The following RIMKLA variants were observed in gnomAD, a reference collection of about 807,000 sequenced individuals.
RIMKLA encodes the protein ribosomal modification protein rimK like family member A.
Under a neutral mutation model 32.7 loss-of-function variants are expected in RIMKLA, and 14 were observed. That is an observed-to-expected ratio of 0.43 (90% CI 0.28 to 0.67). The LOEUF is 0.67. Among genes scored for constraint, RIMKLA ranks in the 30% least tolerant of loss-of-function variants. RIMKLA has a pLI of 0.18. For synonymous variants in RIMKLA, 176 were observed against 204.1 expected (o/e 0.86, Z 1.18); for missense variants, 410 against 519.0 (o/e 0.79, Z 2.04).
At chr1:42,390,100 C>T (rs1323574623) in intron 1 of RIMKLA, among the ~76,000 whole-genome samples, 2 of 138,042 alleles carry the variant, frequency 1.4e-5, no homozygotes, top group Admixed American at 1.6e-4. Flanking sequence ...TGCAGTGGTG[C>T]GATCTCAGCT....
At chr1:42,398,866 C>T (rs1437370097) in intron 1 of RIMKLA, among the ~76,000 whole-genome samples, 1 of 146,386 alleles carries the variant, frequency 6.8e-6, no homozygotes, top group South Asian at 2.2e-4. Context: ...ACTGGGGAGT[C>T]GGAAGTGGGA....
At chr1:42,384,339 C>T (rs904858386) in intron 1 of RIMKLA, among the ~76,000 whole-genome samples, 2 of 151,928 alleles carry the variant, frequency 1.3e-5, no homozygotes, top group African/African-American at 2.4e-5. Context: ...GAAAATCATA[C>T]CCATCTCCGT....
At position 42,409,764 on chromosome 1, in the gene RIMKLA, G is replaced by T. The variant is rs1643181244; in HGVS notation, c.482-220G>T. Among the ~76,000 whole-genome samples, 3 of 152,200 alleles carry T rather than the reference G, an allele frequency of 2.0e-5. No homozygotes were observed. The East Asian group carries it at 5.8e-4, about 29-fold the overall frequency. ...ATCATTAAGTCATTTCAAAAAGAGT[G>T]ATGGTGGAGGGAGAGGGTATTAGGA... On this transcript the variant is annotated intron_variant, in intron 3 of 4. Transcript: ENST00000431473.
At chr1:42,384,971 G>A (rs926491792) in intron 1 of RIMKLA, among the ~76,000 whole-genome samples, 1 of 152,118 alleles carries the variant, frequency 6.6e-6, no homozygotes, top group Admixed American at 6.6e-5. Context: ...AGGCTTGCTT[G>A]CGCTCCTTTC....
chr1:42,381,014 G>T lies in RIMKLA; in HGVS notation c.80G>T (p.Arg27Leu). The change falls in exon 1 of 5, where the codon CGG (arginine) becomes CTG (leucine). Residue 27 changes from arginine (R) to leucine (L), a missense_variant. Arg to Leu is a moderately radical substitution (Grantham distance 102, BLOSUM62 -2). Transcript: ENST00000431473. ...CAGGTGCAGATCCTGCGCGCCCTCC[G>T]GCAGCGCTGCTCCGAGCAGGACGTG... ...YPQVQILRAL[R>L]QRCSEQDVRF... 7.0e-7 allele frequency: 1 copy of T among 1,426,092 alleles called. No individual in the cohort carries two copies. Among genetic ancestry groups the T allele is most frequent in the Non-Finnish European group, 9.2e-7 (1 of 1,088,820 alleles). The allele number at this position is 1,426,092 out of a possible 1,614,324, so 88.3% of individuals were successfully genotyped here. A position where few individuals can be genotyped will look rare whatever the true frequency, so the allele number is the denominator to read the frequency against.
Position 42,383,232 on chromosome 1 carries a change from G to A in RIMKLA, c.163+2135G>A, listed in dbSNP as rs868494092. Among the ~76,000 whole-genome samples the A allele has an allele frequency of 2.0e-5, 3 of 152,094 alleles. 1 individual carries two copies. Among genetic ancestry groups the A allele is most frequent in the African/African-American group, 7.2e-5 (3 of 41,412 alleles). ...AATGTACACAGCTATTTGCCTGGTC[G>A]ATGGAGAAATTGAAGACAGGTATTT... On this transcript the variant is annotated intron_variant, in intron 1 of 4. Coordinates refer to ENST00000431473, the MANE Select transcript of RIMKLA (RefSeq NM_173642.4).
Position 42,410,154 on chromosome 1 carries a change from A to T in RIMKLA, c.652A>T (p.Thr218Ser). 1 of 1,614,150 alleles carries T rather than the reference A, an allele frequency of 6.2e-7. No homozygotes were observed. The highest frequency in any genetic ancestry group is 8.5e-7 in the Non-Finnish European group (1 of 1,180,016). The change falls in exon 4 of 5, where the codon ACT becomes TCT. Residue 218 changes from threonine to serine, a missense_variant. Physicochemically the swap from Thr to Ser is moderately conservative, Grantham distance 58. Transcript: ENST00000431473. ...QVIGSMLRCS[T>S]DGRMQSNCSL... ...CATAGGCTCTATGCTTCGCTGCTCC[A>T]CTGATGGACGGATGCAGAGCAACTG... is the stretch of plus-strand genomic sequence containing the variant.
At chr1:42,388,916 CAGA>C (rs1170399498) in intron 1 of RIMKLA, among the ~76,000 whole-genome samples, 1 of 152,130 alleles carries the variant, frequency 6.6e-6, no homozygotes, top group Non-Finnish European at 1.5e-5. Flanking sequence ...GCACCAAGAG[CAGA>C]AGTAGGGAGG....
chr1:42,398,200 C>G (rs910571399), intron 1 of RIMKLA, among the ~76,000 whole-genome samples: 1 of 152,162 alleles, frequency 6.6e-6, no homozygotes, highest in East Asian at 1.9e-4. Flanking sequence ...ATCTCTGTCT[C>G]CTGGAGTTTT....
intron 4 of RIMKLA, among the ~76,000 whole-genome samples, chr1:42,413,254 C>T (rs1643216077): frequency 6.6e-6 from 1 of 152,044 alleles, no homozygotes; most frequent in Non-Finnish European, 1.5e-5. Context: ...GAAATCCCAG[C>T]ACTTTGGTAG....
intron 1 of RIMKLA, 28 bp downstream of exon 1, chr1:42,381,125 G>T: frequency 8.0e-7 from 1 of 1,243,346 alleles, no homozygotes; most frequent in Non-Finnish European, 1.0e-6. Flanking sequence ...GGGGAGGGCA[G>T]GGAGGCGCGC....
In RIMKLA at chr1:42,422,571, C is replaced by T. The variant is rs2148400756; in HGVS notation, c.*7597C>T. The T allele has an allele frequency of 6.6e-6, 1 of 152,284 alleles. No individual in the cohort carries two copies. Among genetic ancestry groups the T allele is most frequent in the African/African-American group, 2.4e-5 (1 of 41,554 alleles). The allele number at this position is 152,284 out of a possible 1,614,324, so 9.4% of individuals were successfully genotyped here. On this transcript the variant is annotated 3_prime_UTR_variant, in exon 5 of 5. Coordinates refer to ENST00000431473, the MANE Select transcript of RIMKLA (RefSeq NM_173642.4). ...TTTTTGCTTTTTATTAAAATTATTACTATGGAACAGAATGCTTTGTTTGCC... is the reference window on the plus strand; with the variant it reads ...TTTTTGCTTTTTATTAAAATTATTATTATGGAACAGAATGCTTTGTTTGCC...
At chr1:42,405,650 A>T (rs535919738) in intron 3 of RIMKLA, among the ~76,000 whole-genome samples, 6 of 152,354 alleles carry the variant, frequency 3.9e-5, no homozygotes, top group African/African-American at 1.4e-4. Context: ...ACCATGTCTC[A>T]AAAAACAAAA....
chr1:42,381,295 C>T (rs113694980), intron 1 of RIMKLA, among the ~76,000 whole-genome samples, 198 bp downstream of exon 1: 1 of 152,218 alleles, frequency 6.6e-6, no homozygotes, highest in Non-Finnish European at 1.5e-5. Context: ...CCACCTGCCC[C>T]GAGGCCAAGA....
chr1:42,395,036 G>A (rs542493544), intron 1 of RIMKLA, among the ~76,000 whole-genome samples: 23 of 152,264 alleles, frequency 1.5e-4, no homozygotes, highest in African/African-American at 5.5e-4. Flanking sequence ...ACTGTGCCCC[G>A]CCTAGTTATG....
At chr1:42,385,216 T>C (rs1158775978) in intron 1 of RIMKLA, among the ~76,000 whole-genome samples, 1 of 152,204 alleles carries the variant, frequency 6.6e-6, no homozygotes, top group Admixed American at 6.5e-5. Context: ...CTTTGAAGTA[T>C]GTGAGACTTT....
At chr1:42,411,650 A>C (rs1016781766) in intron 4 of RIMKLA, among the ~76,000 whole-genome samples, 2 of 20,650 alleles carry the variant, frequency 9.7e-5, no homozygotes, top group African/African-American at 2.8e-4. Context: ...TATTTTTATT[A>C]TTTATTTATT....
At position 42,384,607 on chromosome 1, in the gene RIMKLA, GTATA is replaced by G. The variant is rs201524495; in HGVS notation, c.163+3517_163+3520del. ...TGTGTGTATATATGTATATATGTAT[GTATA>G]TATATACTATATATGTGTGTGTGTA... On this transcript the variant is annotated intron_variant, in intron 1 of 4. Coordinates refer to ENST00000431473, the MANE Select transcript of RIMKLA (RefSeq NM_173642.4). 8.1e-3 allele frequency among the ~76,000 whole-genome samples: 912 copies of G among 112,952 alleles called. 14 individuals are homozygous for G. The highest frequency in any genetic ancestry group is 0.029 in the African/African-American group (881 of 30,168). 74.1% of individuals were successfully genotyped at this position (112,952 alleles called of 152,430 possible). A position where few individuals can be genotyped will look rare whatever the true frequency, so the allele number is the denominator to read the frequency against.
intron 1 of RIMKLA, among the ~76,000 whole-genome samples, chr1:42,384,195 G>C (rs1642914939): frequency 6.6e-6 from 1 of 152,068 alleles, no homozygotes; most frequent in South Asian, 2.1e-4. Context: ...GAGATTACAA[G>C]TTTTCATGAT....
Sources: gnomAD v4.1 joint callset for allele counts (sites outside exome capture counted in the v4.1 genomes callset) on GRCh38, gnomAD v4.1.1 for gene constraint, MANE v1.5 for transcripts, NCBI Gene and HGNC (gene_info 2026-07-23, HGNC 2026-07-21) for gene names.